NEK7: variants seen among roughly 807,000 people sequenced by gnomAD.
The protein encoded by NEK7 is NIMA related kinase 7.
In NEK7, 18 loss-of-function variants were observed where a neutral mutation model predicts 44.6. The ratio of observed to expected loss-of-function variants is 0.40; its 90% CI spans 0.28 to 0.60. The LOEUF (loss-of-function observed/expected upper bound fraction) is 0.60. Ranked by LOEUF, NEK7 falls within the 20% of genes least tolerant of loss-of-function variation. NEK7 has a pLI of 0.38. For missense variants in NEK7, 256 were observed against 366.5 expected (o/e 0.70, Z 2.46); for synonymous variants, 130 against 121.1 (o/e 1.07, Z -0.48).
chr1:198,310,758 G>A (rs1218093894), intron 9 of NEK7, among the ~76,000 whole-genome samples: 2 of 151,850 alleles, frequency 1.3e-5, no homozygotes, highest in African/African-American at 4.8e-5. Context: ...TAGATACGTG[G>A]CATTATTTCT....
Position 198,234,042 on chromosome 1 carries a change from A to C in NEK7, c.57+1405A>C, listed in dbSNP as rs539989238. Reference sequence around the variant, plus strand: ...ATTCTGATACTTTGGTGTCATTTTTATCTCTCTTATTAGGTTAAAATCTCC... The same window carrying C: ...ATTCTGATACTTTGGTGTCATTTTTCTCTCTCTTATTAGGTTAAAATCTCC... On this transcript the variant is annotated intron_variant, in intron 2 of 9. Transcript: ENST00000367385. Among the ~76,000 whole-genome samples the C allele has an allele frequency of 2.6e-5, 4 of 151,656 alleles. No individual in the cohort carries two copies. The South Asian group carries it at 8.3e-4, about 31-fold the overall frequency.
chr1:198,289,391 A>T (rs923998494), intron 7 of NEK7, among the ~76,000 whole-genome samples: 1 of 151,998 alleles, frequency 6.6e-6, no homozygotes, highest in Admixed American at 6.6e-5. Flanking sequence ...TGTTTTCCAG[A>T]TGGATTTTTG....
chr1:198,204,240 A>G (rs933818739), intron 1 of NEK7, among the ~76,000 whole-genome samples: 2 of 152,174 alleles, frequency 1.3e-5, no homozygotes, highest in Admixed American at 6.5e-5. Context: ...AGCCCGTGTG[A>G]CAGAGTAAGA....
At chr1:198,304,156 G>A (rs920524035) in intron 9 of NEK7, among the ~76,000 whole-genome samples, 2 of 152,056 alleles carry the variant, frequency 1.3e-5, no homozygotes, top group African/African-American at 4.8e-5. Context: ...AATCCAAAAC[G>A]GTGTCCTATA....
intron 1 of NEK7, among the ~76,000 whole-genome samples, chr1:198,187,399 ATCTCT>A (rs1664953008): frequency 6.6e-6 from 1 of 152,170 alleles, no homozygotes; most frequent in Non-Finnish European, 1.5e-5. Flanking sequence ...GTGAGTCAGC[ATCTCT>A]TCCAAAGCCA....
At chr1:198,283,236 T>C (rs1161744138) in intron 7 of NEK7, among the ~76,000 whole-genome samples, 1 of 152,122 alleles carries the variant, frequency 6.6e-6, no homozygotes, top group Non-Finnish European at 1.5e-5. Flanking sequence ...CGATGTGATA[T>C]GGGTTGAAGA....
At chr1:198,276,693 T>C (rs972167609) in intron 5 of NEK7, among the ~76,000 whole-genome samples, 1 of 151,792 alleles carries the variant, frequency 6.6e-6, no homozygotes, top group Non-Finnish European at 1.5e-5. Context: ...TGCTAATAAA[T>C]TTATTTCTGT....
chr1:198,235,897 T>C (rs1666532888), intron 2 of NEK7, among the ~76,000 whole-genome samples: 1 of 152,176 alleles, frequency 6.6e-6, no homozygotes, highest in South Asian at 2.1e-4. Context: ...AAAACAGATA[T>C]TCCTTATTCT....
intron 1 of NEK7, among the ~76,000 whole-genome samples, chr1:198,228,394 A>G (rs1420622814): frequency 2.6e-5 from 4 of 152,212 alleles, no homozygotes; most frequent in Admixed American, 2.0e-4. Flanking sequence ...GTTTTTTCCA[A>G]TTATGTGAAG....
At chr1:198,295,494 A>C (rs1477692838) in intron 8 of NEK7, among the ~76,000 whole-genome samples, 1 of 152,130 alleles carries the variant, frequency 6.6e-6, no homozygotes. Flanking sequence ...ATCGAGATGC[A>C]CTAATGAACC....
intron 8 of NEK7, among the ~76,000 whole-genome samples, chr1:198,294,495 A>T (rs1654654584): frequency 6.6e-6 from 1 of 152,086 alleles, no homozygotes; most frequent in Non-Finnish European, 1.5e-5. Context: ...CAAATCCCTA[A>T]AAGTAAACAG....
rs1162099133 is a variant in NEK7, at chr1:198,252,528, C to CTATATATATATATATATA, written c.58-489_58-472dup. On this transcript the variant is annotated intron_variant, in intron 2 of 9. Coordinates refer to ENST00000367385, the MANE Select transcript of NEK7 (RefSeq NM_133494.3). ...TTTTTAGGCTTTCCTATCTCACATACTATATATATATATATATATATATAT... is the reference window on the plus strand; with the variant it reads ...TTTTTAGGCTTTCCTATCTCACATACTATATATATATATATATATATATATATATATATATATATATAT... Among the ~76,000 whole-genome samples, 11 of 32,682 alleles carry CTATATATATATATATATA rather than the reference C, an allele frequency of 3.4e-4. 1 individual carries two copies. Among genetic ancestry groups the CTATATATATATATATATA allele is most frequent in the South Asian group, 1.4e-3 (1 of 740 alleles). 21.4% of individuals were successfully genotyped at this position (32,682 alleles called of 152,430 possible). A position where few individuals can be genotyped will look rare whatever the true frequency, so the allele number is the denominator to read the frequency against.
intron 9 of NEK7, among the ~76,000 whole-genome samples, chr1:198,302,152 T>G (rs1320547964): frequency 6.6e-6 from 1 of 152,154 alleles, no homozygotes; most frequent in Non-Finnish European, 1.5e-5. Flanking sequence ...AGAAAACTAT[T>G]TGTTTTTTAA....
intron 1 of NEK7, among the ~76,000 whole-genome samples, chr1:198,219,435 A>G (rs1315919437): frequency 6.6e-6 from 1 of 151,750 alleles, no homozygotes; most frequent in Non-Finnish European, 1.5e-5. Context: ...GCATTATTCT[A>G]AATGAAGTAA....
At chr1:198,254,321 A>G (rs560010977) in intron 3 of NEK7, among the ~76,000 whole-genome samples, 2 of 152,216 alleles carry the variant, frequency 1.3e-5, no homozygotes, top group South Asian at 4.1e-4. Flanking sequence ...CCTGAATGTA[A>G]TGTTTATCAT....
chr1:198,165,544 A>T (rs2102705738), intron 1 of NEK7, among the ~76,000 whole-genome samples: 1 of 152,296 alleles, frequency 6.6e-6, no homozygotes, highest in Non-Finnish European at 1.5e-5. Flanking sequence ...TTTTGAAAGA[A>T]ATCTTTTTCT....
intron 2 of NEK7, among the ~76,000 whole-genome samples, chr1:198,250,198 G>A (rs1330654602): frequency 6.7e-6 from 1 of 148,320 alleles, no homozygotes; most frequent in Non-Finnish European, 1.5e-5. Flanking sequence ...GTAGATATGT[G>A]GCATTATTTC....
intron 1 of NEK7, among the ~76,000 whole-genome samples, chr1:198,172,352 G>A (rs958559425): frequency 3.9e-5 from 6 of 152,132 alleles, no homozygotes; most frequent in African/African-American, 1.4e-4. Flanking sequence ...TTTATGTCTA[G>A]GTGTTTCCTG....
At chr1:198,231,797 T>G (rs908655312) in intron 1 of NEK7, among the ~76,000 whole-genome samples, 1 of 152,014 alleles carries the variant, frequency 6.6e-6, no homozygotes, top group African/African-American at 2.4e-5. Flanking sequence ...AGTGAAGATG[T>G]GTTTTAGTTG....
Sources: allele counts gnomAD v4.1 joint callset (sites outside exome capture counted in the v4.1 genomes callset), GRCh38; gene constraint gnomAD v4.1.1; transcripts MANE v1.5; gene names NCBI Gene and HGNC (gene_info 2026-07-23, HGNC 2026-07-21).